Variants in AHCYL2 observed in about 807,000 individuals in gnomAD.
The protein encoded by AHCYL2 is S-adenosylhomocysteine hydrolase-like protein 2.
AHCYL2 carries 28 observed loss-of-function variants against 81.4 expected under a neutral mutation model. The ratio of observed to expected loss-of-function variants is 0.34; its 90% CI spans 0.25 to 0.47. The LOEUF is 0.47. AHCYL2 is among the 20% of genes least tolerant of loss of function. The pLI is 1.00. For missense variants in AHCYL2, 551 were observed against 785.1 expected (o/e 0.70, Z 3.56); for synonymous variants, 272 against 290.2 (o/e 0.94, Z 0.64).
intron 1 of AHCYL2, among the ~76,000 whole-genome samples, chr7:129,272,266 G>A (rs10281269): frequency 0.94 from 142,847 of 152,258 alleles, 67,661 homozygotes; most frequent in East Asian, 1. Context: ...GGCCCTAGGC[G>A]TATGGCTCCC....
At chr7:129,382,632 G>A (rs1340131059) in intron 2 of AHCYL2, among the ~76,000 whole-genome samples, 3 of 151,380 alleles carry the variant, frequency 2.0e-5, no homozygotes, top group Non-Finnish European at 2.9e-5. Flanking sequence ...TAGGCAGGGC[G>A]CGTTGGCTCA....
intron 1 of AHCYL2, among the ~76,000 whole-genome samples, chr7:129,352,994 A>C (rs1793621199): frequency 7.9e-6 from 1 of 127,292 alleles, no homozygotes; most frequent in Non-Finnish European, 1.6e-5. Context: ...CCCAGGCTGG[A>C]ATGCAATGGT....
At chr7:129,386,318 C>G (rs1426606477) in intron 2 of AHCYL2, among the ~76,000 whole-genome samples, 1 of 152,038 alleles carries the variant, frequency 6.6e-6, no homozygotes, top group African/African-American at 2.4e-5. Flanking sequence ...CAAAAATTAG[C>G]CAGGCACCGT....
intron 1 of AHCYL2, among the ~76,000 whole-genome samples, chr7:129,265,427 A>G (rs1476918137): frequency 6.6e-6 from 1 of 152,140 alleles, no homozygotes; most frequent in Admixed American, 6.6e-5. Context: ...GAAAGAGATG[A>G]GGGAGTTGAA....
intron 1 of AHCYL2, among the ~76,000 whole-genome samples, chr7:129,287,264 C>CT (rs1200143540): frequency 6.6e-6 from 1 of 152,220 alleles, no homozygotes; most frequent in African/African-American, 2.4e-5. Flanking sequence ...CAAGCACCCC[C>CT]TCCAGGGATA....
At chr7:129,400,573 AAC>A (rs1795985120) in intron 6 of AHCYL2, among the ~76,000 whole-genome samples, 189 bp downstream of exon 6, 1 of 152,200 alleles carries the variant, frequency 6.6e-6, no homozygotes, top group African/African-American at 2.4e-5. Flanking sequence ...AAGCTCTTAT[AAC>A]CTCAGAGTGC....
Position 129,400,391 on chromosome 7 carries a change from C to G in AHCYL2, c.918+7C>G. 6.2e-7 allele frequency: 1 copy of G among 1,611,526 alleles called. No homozygotes were observed. The highest frequency in any genetic ancestry group is 2.2e-5 in the East Asian group (1 of 44,842). ...GGGCTGGCAGCCAAACATGGTGGGT[C>G]AGATTTCTGCTAACACAATTCTGTA... On this transcript the variant is annotated splice_region_variant and intron_variant, in intron 6 of 16. Coordinates refer to ENST00000325006, the MANE Select transcript of AHCYL2 (RefSeq NM_015328.4).
At chr7:129,323,120 G>C (rs188806765) in intron 1 of AHCYL2, among the ~76,000 whole-genome samples, 3 of 151,948 alleles carry the variant, frequency 2.0e-5, no homozygotes, top group Admixed American at 1.3e-4. Context: ...AAAATCTTCT[G>C]TTTGCTTATG....
At chr7:129,358,569 C>G (rs1052567233) in intron 1 of AHCYL2, among the ~76,000 whole-genome samples, 2 of 152,068 alleles carry the variant, frequency 1.3e-5, no homozygotes, top group Non-Finnish European at 2.9e-5. Context: ...AAAGCAGAGC[C>G]TTGGTTACCA....
In AHCYL2 at chr7:129,400,348, T is replaced by C. The variant is rs777466409; in HGVS notation, c.882T>C (p.Asp294=). 17 of 1,613,644 alleles carry C rather than the reference T, an allele frequency of 1.1e-5. No individual in the cohort carries two copies. In the South Asian group the frequency reaches 1.4e-4, roughly 14 times the overall value. Residue 294 remains aspartate, a synonymous_variant, in exon 6 of 17, where the codon GAT becomes GAC. Coordinates refer to ENST00000325006, the MANE Select transcript of AHCYL2 (RefSeq NM_015328.4). Reference sequence around the variant, plus strand: ...AAGATGACTTTTGGTGGTGTATCGATAGATGTGTGAATGTGGAGGGCTGGC... The same window carrying C: ...AAGATGACTTTTGGTGGTGTATCGACAGATGTGTGAATGTGGAGGGCTGGC... ...ESEDDFWWCI[D]RCVNVEGWQP...
chr7:129,335,948 G>A (rs1037383254), intron 1 of AHCYL2, among the ~76,000 whole-genome samples: 1 of 152,064 alleles, frequency 6.6e-6, no homozygotes, highest in African/African-American at 2.4e-5. Flanking sequence ...TGGGGGCCAC[G>A]TGTTTAAAAC....
At chr7:129,405,471 A>G in intron 8 of AHCYL2, 1 of 356,108 alleles carries the variant, frequency 2.8e-6, no homozygotes, top group East Asian at 4.5e-5. Flanking sequence ...TTACTGTGTT[A>G]TCTACATCTT....
At chr7:129,355,212 G>A (rs1352045559) in intron 1 of AHCYL2, among the ~76,000 whole-genome samples, 1 of 148,160 alleles carries the variant, frequency 6.7e-6, no homozygotes, top group Non-Finnish European at 1.5e-5. Context: ...ATATATTTTT[G>A]AATTTTTGTG....
intron 12 of AHCYL2, among the ~76,000 whole-genome samples, chr7:129,417,842 C>T (rs555740355): frequency 3.3e-5 from 5 of 152,100 alleles, no homozygotes; most frequent in Admixed American, 6.5e-5. Flanking sequence ...AACAATATCC[C>T]GTCTCTCAGG....
intron 15 of AHCYL2, 137 bp downstream of exon 15, chr7:129,425,278 C>T (rs1395237625): frequency 2.8e-6 from 2 of 717,546 alleles, no homozygotes; most frequent in Non-Finnish European, 4.7e-6. Flanking sequence ...AATTAGGATT[C>T]CTAGGTGCCA....
intron 1 of AHCYL2, among the ~76,000 whole-genome samples, chr7:129,294,907 A>G (rs1020397351): frequency 2.0e-5 from 3 of 152,174 alleles, no homozygotes; most frequent in African/African-American, 4.8e-5. Flanking sequence ...CTGCCTTCCC[A>G]GTGGGGTGTG....
At chr7:129,414,416 G>GT (rs1584903718) in intron 12 of AHCYL2, among the ~76,000 whole-genome samples, 1 of 77,082 alleles carries the variant, frequency 1.3e-5, no homozygotes, top group African/African-American at 3.9e-5. Context: ...TAGAAATGTT[G>GT]TTTCTTTTTT....
rs193211056 is a variant in AHCYL2 at position 129,378,351 on chromosome 7, A to T, written c.364-1287A>T. 2.9e-3 allele frequency among the ~76,000 whole-genome samples: 437 copies of T among 152,302 alleles called. 2 individuals are homozygous for T. The highest frequency in any genetic ancestry group is 4.3e-3 in the Non-Finnish European group (291 of 68,020). ...ATTTACTTACTAGTACTGGAAAGCT[A>T]ACTAATATATTTTAAAAAGCTTTAA... On this transcript the variant is annotated intron_variant, in intron 1 of 16. Coordinates refer to ENST00000325006, the MANE Select transcript of AHCYL2 (RefSeq NM_015328.4).
chr7:129,370,303 A>G (rs112850571), intron 1 of AHCYL2, among the ~76,000 whole-genome samples: 3 of 152,332 alleles, frequency 2.0e-5, no homozygotes, highest in Non-Finnish European at 4.4e-5. Context: ...TGACCACTGC[A>G]TAAGGGATAT....
Sources: gnomAD v4.1 joint callset for allele counts (sites outside exome capture counted in the v4.1 genomes callset) on GRCh38, gnomAD v4.1.1 for gene constraint, MANE v1.5 for transcripts, NCBI Gene and HGNC (gene_info 2026-07-23, HGNC 2026-07-21) for gene names.